The following PKP4 variants were observed in gnomAD, a reference collection of about 807,000 sequenced individuals.
The protein encoded by PKP4 is plakophilin 4, also known as plakophilin-4.
PKP4 carries 90 observed loss-of-function variants against 145.1 expected under a neutral mutation model. The ratio of observed to expected loss-of-function variants is 0.62; its 90% CI spans 0.52 to 0.74. PKP4 has a LOEUF of 0.74. Among genes scored for constraint, PKP4 ranks in the 30% least tolerant of loss-of-function variants. The pLI, the probability that PKP4 is intolerant of heterozygous loss-of-function variation, is 0.00. For missense variants in PKP4, 1,340 were observed against 1,482.7 expected (o/e 0.90, Z 1.58); for synonymous variants, 563 against 577.2 (o/e 0.98, Z 0.35).
chr2:158,654,357 A>G (rs2105959434), intron 11 of PKP4, among the ~76,000 whole-genome samples: 1 of 152,222 alleles, frequency 6.6e-6, no homozygotes, highest in East Asian at 1.9e-4. Flanking sequence ...TTTTTTTGGA[A>G]GTTGCAGAAA....
At chr2:158,583,627 A>G (rs2048528841) in intron 3 of PKP4, among the ~76,000 whole-genome samples, 1 of 152,152 alleles carries the variant, frequency 6.6e-6, no homozygotes, top group African/African-American at 2.4e-5. Context: ...GACGACCACC[A>G]CCACTACAGC....
At chr2:158,523,593 A>G (rs1303002590) in intron 1 of PKP4, among the ~76,000 whole-genome samples, 3 of 113,464 alleles carry the variant, frequency 2.6e-5, no homozygotes. Flanking sequence ...CTCCAAAGGA[A>G]CGCAGTTCCT....
intron 17 of PKP4, among the ~76,000 whole-genome samples, chr2:158,672,249 A>T (rs546947351): frequency 6.6e-6 from 1 of 152,324 alleles, no homozygotes; most frequent in South Asian, 2.1e-4. Context: ...AGAAGATGGG[A>T]TGGTGGAAAT....
intron 2 of PKP4, among the ~76,000 whole-genome samples, chr2:158,539,396 C>T (rs997967181): frequency 1.3e-5 from 2 of 152,150 alleles, no homozygotes; most frequent in African/African-American, 4.8e-5. Context: ...TGTTACACAC[C>T]TGCCTTTGTA....
At chr2:158,485,883 C>T (rs1325432976) in intron 1 of PKP4, among the ~76,000 whole-genome samples, 1 of 152,142 alleles carries the variant, frequency 6.6e-6, no homozygotes, top group African/African-American at 2.4e-5. Flanking sequence ...AATACATTGG[C>T]ATATGTAATC....
chr2:158,577,316 C>G lies in PKP4; in HGVS notation c.178C>G (p.Gln60Glu). The change falls in exon 3 of 22, where the codon CAG becomes GAG. Residue 60 changes from glutamine (Q) to glutamate (E), a missense_variant. By Grantham distance (29) the Gln-to-Glu change is conservative. Transcript: ENST00000389759. Reference sequence around the variant, plus strand: ...CACCCGAGAACTGGAAGTGGAAAGGCAGATTGTTGCCAGTCAGCTAGAAAG... The same window carrying G: ...CACCCGAGAACTGGAAGTGGAAAGGGAGATTGTTGCCAGTCAGCTAGAAAG... Reference protein sequence around the residue: ...RLTRELEVERQIVASQLERCR... With the variant: ...RLTRELEVEREIVASQLERCR... The G allele has an allele frequency of 6.2e-7, 1 of 1,613,642 alleles. No individual in the cohort carries two copies. The highest frequency in any genetic ancestry group is 8.5e-7 in the Non-Finnish European group (1 of 1,179,842).
chr2:158,595,565 T>G (rs1006661708), intron 3 of PKP4, among the ~76,000 whole-genome samples: 3 of 152,210 alleles, frequency 2.0e-5, no homozygotes, highest in African/African-American at 4.8e-5. Flanking sequence ...CATTAAGAGA[T>G]AGACGGAGTA....
At position 158,680,420 on chromosome 2, in the gene PKP4, T is replaced by C; in HGVS notation, c.3331-9T>C. On this transcript the variant is annotated splice_polypyrimidine_tract_variant and intron_variant, in intron 21 of 21. Transcript: ENST00000389759. ...CTTTTATTTATTTGCCTTTTCATTTTGTCAACAGCATCAACAGCTGTATTA... is the reference window on the plus strand; with the variant it reads ...CTTTTATTTATTTGCCTTTTCATTTCGTCAACAGCATCAACAGCTGTATTA... The C allele has an allele frequency of 6.4e-7, 1 of 1,562,882 alleles. No individual in the cohort carries two copies. Among genetic ancestry groups the C allele is most frequent in the Non-Finnish European group, 8.7e-7 (1 of 1,155,758 alleles).
chr2:158,569,210 T>G (rs550145323), intron 2 of PKP4, among the ~76,000 whole-genome samples: 2 of 152,370 alleles, frequency 1.3e-5, no homozygotes, highest in South Asian at 4.1e-4. Context: ...TACTATTTTC[T>G]CTCTGCTTCA....
At chr2:158,654,445 A>C (rs2055711321) in intron 11 of PKP4, among the ~76,000 whole-genome samples, 1 of 152,226 alleles carries the variant, frequency 6.6e-6, no homozygotes, top group South Asian at 2.1e-4. Context: ...AGCATAGTCA[A>C]CTTGTCTACT....
At chr2:158,663,516 G>A (rs903992380) in intron 15 of PKP4, 71 bp downstream of exon 15, 18 of 1,336,622 alleles carry the variant, frequency 1.3e-5, no homozygotes, top group Admixed American at 1.8e-5. Context: ...ATATATATAT[G>A]TTCTGCCTCA....
chr2:158,637,861 C>T (rs528394765), intron 9 of PKP4, among the ~76,000 whole-genome samples: 1 of 152,332 alleles, frequency 6.6e-6, no homozygotes, highest in Non-Finnish European at 1.5e-5. Flanking sequence ...TCCAGCCAGC[C>T]TACAAATTGA....
At chr2:158,519,567 G>A (rs974452791) in intron 1 of PKP4, among the ~76,000 whole-genome samples, 1 of 152,134 alleles carries the variant, frequency 6.6e-6, no homozygotes, top group Non-Finnish European at 1.5e-5. Flanking sequence ...TCTGAACCTC[G>A]AGCTCTGTCA....
At chr2:158,459,262 G>T (rs982888019) in intron 1 of PKP4, among the ~76,000 whole-genome samples, 31 of 152,126 alleles carry the variant, frequency 2.0e-4, no homozygotes, top group African/African-American at 7.2e-4. Flanking sequence ...GTGTTGAAAA[G>T]CATCATATGT....
At chr2:158,608,485 A>T (rs2050834277) in intron 4 of PKP4, among the ~76,000 whole-genome samples, 1 of 152,154 alleles carries the variant, frequency 6.6e-6, no homozygotes, top group Non-Finnish European at 1.5e-5. Flanking sequence ...TCCATAATTC[A>T]CACTTAATAA....
At chr2:158,528,359 C>T (rs1332645757) in intron 1 of PKP4, among the ~76,000 whole-genome samples, 10 of 125,448 alleles carry the variant, frequency 8.0e-5, no homozygotes, top group Non-Finnish European at 1.7e-4. Flanking sequence ...AAATTGGAAA[C>T]CTTCATTCTC....
At chr2:158,678,461 G>GGAGA in intron 20 of PKP4, 120 bp from the exon 21 acceptor site, 1 of 730,088 alleles carries the variant, frequency 1.4e-6, no homozygotes, top group Non-Finnish European at 2.5e-6. Flanking sequence ...GCCCGCATTG[G>GGAGA]CACTGGGGAA....
At position 158,658,242 on chromosome 2, in the gene PKP4, C is replaced by G. The variant is rs144033132; in HGVS notation, c.2021C>G (p.Ser674Cys). 21 of 1,603,184 alleles carry G rather than the reference C, an allele frequency of 1.3e-5. No homozygotes were observed. The highest frequency in any genetic ancestry group is 2.2e-5 in the South Asian group (2 of 90,582). The change falls in exon 12 of 22, where the codon TCT becomes TGT. Residue 674 changes from serine to cysteine, a missense_variant. By Grantham distance (112) the Ser-to-Cys change is moderately radical (BLOSUM62 -1). Coordinates refer to ENST00000389759, the MANE Select transcript of PKP4 (RefSeq NM_003628.6). ...GTTCCACATTCTGGATGGAATAACT[C>G]TTCTTTTGATGATGATCATAAAATT... The part of the protein sequence containing the change: ...VIVPHSGWNN[S>C]SFDDDHKIKF...
At chr2:158,621,533 G>A (rs2052242657) in intron 6 of PKP4, 112 bp downstream of exon 6, 1 of 809,152 alleles carries the variant, frequency 1.2e-6, no homozygotes, top group East Asian at 2.8e-5. Context: ...ATCACCTGAG[G>A]TCAGGAGTTC....
Sources: gnomAD v4.1 joint callset for allele counts (sites outside exome capture counted in the v4.1 genomes callset) on GRCh38, gnomAD v4.1.1 for gene constraint, MANE v1.5 for transcripts, NCBI Gene and HGNC (gene_info 2026-07-23, HGNC 2026-07-21) for gene names.